The following ECSIT variants were observed in gnomAD, a reference collection of about 807,000 sequenced individuals.
ECSIT encodes evolutionarily conserved signaling intermediate in Toll pathway, mitochondrial.
ECSIT carries 29 observed loss-of-function variants against 36.8 expected under a neutral mutation model. That is an observed-to-expected ratio of 0.79 (90% CI 0.59 to 1.08). The LOEUF is 1.08. ECSIT is among the 50% of genes least tolerant of loss of function. The pLI is 0.00. For missense variants in ECSIT, 542 were observed against 581.0 expected (o/e 0.93, Z 0.69); for synonymous variants, 231 against 234.8 (o/e 0.98, Z 0.15).
chr19:11,513,094 T>C lies in ECSIT; in HGVS notation c.700A>G (p.Met234Val), dbSNP rs1971905159. 1 of 1,614,222 alleles carries C rather than the reference T, an allele frequency of 6.2e-7. No individual in the cohort carries two copies. The highest frequency in any genetic ancestry group is 8.5e-7 in the Non-Finnish European group (1 of 1,180,040). ...VELAMFGLRH[M>V]EPDLSARVTI... is the part of the protein sequence containing the mutation. ...ACCCTGGCACTAAGGTCAGGCTCCATGTGCCGCAGGCCAAACATGGCCAGC... is the reference window on the plus strand; with the variant it reads ...ACCCTGGCACTAAGGTCAGGCTCCACGTGCCGCAGGCCAAACATGGCCAGC... Residue 234 changes from methionine (M) to valine (V), a missense_variant, in exon 4 of 8, where the codon ATG becomes GTG. Physicochemically the swap from Met to Val is conservative, Grantham distance 21. Transcript: ENST00000270517.
intron 4 of ECSIT, among the ~76,000 whole-genome samples, chr19:11,509,378 A>ATTT (rs564948574): frequency 0.04 from 5,794 of 146,236 alleles, 139 homozygotes; most frequent in Admixed American, 0.07. Context: ...CCGCTGACAA[A>ATTT]GTTTTTTTTT....
chr19:11,520,682 T>A (rs1972084949), intron 1 of ECSIT, among the ~76,000 whole-genome samples: 1 of 151,170 alleles, frequency 6.6e-6, no homozygotes, highest in African/African-American at 2.4e-5. Context: ...CCAGCTAATT[T>A]ATAGATTTTT....
intron 2 of ECSIT, chr19:11,516,361 T>A (rs1407634244): frequency 6.6e-6 from 1 of 152,186 alleles, no homozygotes. Context: ...TTAAATTGAA[T>A]TTTTAAATTA....
intron 3 of ECSIT, 102 bp from the exon 4 acceptor site, chr19:11,513,381 G>T (rs1447737646): frequency 2.0e-6 from 2 of 990,838 alleles, no homozygotes; most frequent in East Asian, 2.5e-5. Context: ...ATCACAGACA[G>T]GGAGAAAAGA....
intron 7 of ECSIT, 21 bp downstream of exon 7, chr19:11,507,436 C>T (rs768821158): frequency 2.2e-5 from 35 of 1,600,536 alleles, no homozygotes; most frequent in Non-Finnish European, 2.9e-5. Flanking sequence ...TGTGAGCCAC[C>T]GCACCTGGCC....
At chr19:11,512,560 C>T (rs1469567994) in intron 4 of ECSIT, among the ~76,000 whole-genome samples, 2 of 152,060 alleles carry the variant, frequency 1.3e-5, no homozygotes, top group Non-Finnish European at 2.9e-5. Context: ...GCAGCCTGAA[C>T]GGACTGAAGC....
intron 4 of ECSIT, among the ~76,000 whole-genome samples, chr19:11,509,287 G>A (rs1173945437): frequency 6.6e-6 from 1 of 150,738 alleles, no homozygotes; most frequent in Non-Finnish European, 1.5e-5. Flanking sequence ...TGGTCAGGCT[G>A]GTCTCAAACT....
chr19:11,522,187 G>A (rs900272684), intron 1 of ECSIT: 16 of 501,790 alleles, frequency 3.2e-5, no homozygotes, highest in East Asian at 2.7e-4. Context: ...TACCGCCTGC[G>A]GGTGAAGAAC....
Position 11,528,729 on chromosome 19 carries a change from G to A in ECSIT, c.-24+333C>T, listed in dbSNP as rs191782680. On this transcript the variant is annotated intron_variant, in intron 1 of 7. Coordinates refer to ENST00000270517, the MANE Select transcript of ECSIT (RefSeq NM_016581.5). ...AAACACCTATAAATCTGAACCCCGAGGTATGGTGTACGTACAACAGCTTTG... is the reference window on the plus strand; with the variant it reads ...AAACACCTATAAATCTGAACCCCGAAGTATGGTGTACGTACAACAGCTTTG... The A allele has an allele frequency of 1.7e-3, 253 of 152,352 alleles. 2 individuals carry two copies. Among genetic ancestry groups the A allele is most frequent in the African/African-American group, 5.7e-3 (236 of 41,576 alleles). 9.4% of individuals were successfully genotyped at this position (152,352 alleles called of 1,614,324 possible). A position where few individuals can be genotyped will look rare whatever the true frequency, so the allele number is the denominator to read the frequency against.
At chr19:11,511,036 A>G (rs1325483154) in intron 4 of ECSIT, among the ~76,000 whole-genome samples, 2 of 150,742 alleles carry the variant, frequency 1.3e-5, no homozygotes, top group African/African-American at 2.4e-5. Flanking sequence ...TTCCTGGTAC[A>G]CACTGCTCCC....
At chr19:11,518,625 C>T (rs372670441) in intron 2 of ECSIT, among the ~76,000 whole-genome samples, 7 of 151,972 alleles carry the variant, frequency 4.6e-5, no homozygotes, top group East Asian at 1.9e-4. Context: ...TGGCCAGGCG[C>T]GGTGGCTCAC....
chr19:11,517,579 G>C (rs1004745447), intron 2 of ECSIT, among the ~76,000 whole-genome samples: 1 of 152,024 alleles, frequency 6.6e-6, no homozygotes, highest in Admixed American at 6.6e-5. Flanking sequence ...CTGGGTGACA[G>C]AGGGAGACTC....
intron 2 of ECSIT, among the ~76,000 whole-genome samples, chr19:11,515,533 T>C (rs532293777): frequency 2.0e-5 from 3 of 151,956 alleles, no homozygotes; most frequent in South Asian, 2.1e-4. Context: ...CTCAGCTCAC[T>C]GCAACCTCTG....
At position 11,506,347 on chromosome 19, in the gene ECSIT, T is replaced by G; in HGVS notation, c.1133A>C (p.Gln378Pro). 6.2e-7 allele frequency: 1 copy of G among 1,613,642 alleles called. No individual in the cohort carries two copies. The change falls in exon 8 of 8, where the codon CAG becomes CCG. Residue 378 changes from glutamine (Q) to proline (P), a missense_variant. By Grantham distance (76) the Gln-to-Pro change is moderately conservative (BLOSUM62 -1). Transcript: ENST00000270517. ...ATMAKWIQGLQETNPTLAQIP... is the reference protein window; with the variant it reads ...ATMAKWIQGLPETNPTLAQIP... ...CTGGGCCAGGGTTGGGTTGGTCTCC[T>G]GCAGGCCCTGGATCCACTTAGCCAT...
At chr19:11,507,655 C>T (rs1229805550) in intron 6 of ECSIT, 47 bp downstream of exon 6, 1 of 1,613,756 alleles carries the variant, frequency 6.2e-7, no homozygotes, top group African/African-American at 1.3e-5. Flanking sequence ...CAGGGTAGTG[C>T]CAGCCCACTC....
chr19:11,523,200 T>A (rs961697736), intron 1 of ECSIT, among the ~76,000 whole-genome samples: 6 of 152,120 alleles, frequency 3.9e-5, no homozygotes, highest in Non-Finnish European at 8.8e-5. Context: ...GTGAAGACGA[T>A]GAGAATGAAG....
chr19:11,512,802 G>A (rs998545141), intron 4 of ECSIT, among the ~76,000 whole-genome samples: 4 of 152,082 alleles, frequency 2.6e-5, no homozygotes, highest in African/African-American at 9.7e-5. Flanking sequence ...AATTAGCCAG[G>A]CATAGTGGTG....
Position 11,514,050 on chromosome 19 carries a change from G to A in ECSIT, c.268C>T (p.Leu90=), listed in dbSNP as rs1971934894. Residue 90 remains leucine, a synonymous_variant, in exon 3 of 8, where the codon CTG becomes TTG. Coordinates refer to ENST00000270517, the MANE Select transcript of ECSIT (RefSeq NM_016581.5). ...TCCGCAAATTTCTGCACCGTCTGCA[G>A]GAAGCTCGCCTTGTCCCGTTCCCCA... The part of the protein sequence containing the change: ...PGGERDKASF[L]QTVQKFAEHS... 1 of 1,614,236 alleles carries A rather than the reference G, an allele frequency of 6.2e-7. No homozygotes were observed. Among genetic ancestry groups the A allele is most frequent in the Non-Finnish European group, 8.5e-7 (1 of 1,180,034 alleles).
intron 2 of ECSIT, among the ~76,000 whole-genome samples, chr19:11,515,395 C>G (rs1377272261): frequency 6.6e-6 from 1 of 152,160 alleles, no homozygotes; most frequent in Non-Finnish European, 1.5e-5. Flanking sequence ...AGCCACCGCG[C>G]CCGGCGTAGC....
Sources: allele counts gnomAD v4.1 joint callset (sites outside exome capture counted in the v4.1 genomes callset), GRCh38; gene constraint gnomAD v4.1.1; transcripts MANE v1.5; gene names NCBI Gene and HGNC (gene_info 2026-07-23, HGNC 2026-07-21).